Variants in ADAMTS2 observed in about 807,000 individuals in gnomAD.
The protein encoded by ADAMTS2 is A disintegrin and metalloproteinase with thrombospondin motifs 2.
Under a neutral mutation model 123.0 loss-of-function variants are expected in ADAMTS2, and 50 were observed. The observed-to-expected ratio is 0.41, with a 90% CI of 0.32 to 0.51. ADAMTS2 has a LOEUF of 0.51. Among genes scored for constraint, ADAMTS2 ranks in the 20% least tolerant of loss-of-function variants. The pLI is 0.35. For missense variants in ADAMTS2, 1,494 were observed against 1,705.2 expected, an observed-to-expected ratio of 0.88 and a Z score of 2.18; for synonymous variants, 678 against 695.4, an observed-to-expected ratio of 0.98 and a Z score of 0.39.
rs1186766356 is a variant in ADAMTS2 at position 179,113,725 on chromosome 5, TAC to T, written c.*140_*141del. ...ACCACATGCTCATGCCTATCTTTCT[TAC>T]GTCATTCCCCCTCTTTGTTTTCTCA... On this transcript the variant is annotated 3_prime_UTR_variant, in exon 22 of 22. Coordinates refer to ENST00000251582, the MANE Select transcript of ADAMTS2 (RefSeq NM_014244.5). 2.3e-6 allele frequency: 2 copies of T among 863,550 alleles called. No homozygotes were observed. The highest frequency in any genetic ancestry group is 3.7e-6 in the Non-Finnish European group (2 of 534,810). The allele number at this position is 863,550 out of a possible 1,614,324, so 53.5% of individuals were successfully genotyped here. A position where few individuals can be genotyped will look rare whatever the true frequency, so the allele number is the denominator to read the frequency against.
chr5:179,235,523 C>T (rs1347683214), intron 3 of ADAMTS2, among the ~76,000 whole-genome samples: 1 of 152,210 alleles, frequency 6.6e-6, no homozygotes, highest in Non-Finnish European at 1.5e-5. Context: ...TAAAGAAACT[C>T]ACCTGGCCCC....
At chr5:179,139,756 G>A (rs1218504905) in intron 11 of ADAMTS2, 134 bp downstream of exon 11, 5 of 1,332,706 alleles carry the variant, frequency 3.8e-6, no homozygotes, top group East Asian at 4.6e-5. Context: ...TGAGGCAGGC[G>A]GGGCAGCCTG....
At position 179,175,876 on chromosome 5, in the gene ADAMTS2, A is replaced by G. The variant is rs1208830030; in HGVS notation, c.975+5196T>C. Among the ~76,000 whole-genome samples the G allele has an allele frequency of 6.6e-6, 1 of 152,010 alleles. No homozygotes were observed. The highest frequency in any genetic ancestry group is 6.6e-5 in the Admixed American group (1 of 15,262). On this transcript the variant is annotated intron_variant, in intron 5 of 21. Transcript: ENST00000251582. The surrounding 1 kb of genome is among the most constrained non-coding windows in gnomAD (Gnocchi z 4.1). ...TCTCCAGGGCAGTGCTCCCCAGAGC[A>G]GGTTCAGCAGGCTGCGGATCTGCTG...
chr5:179,269,251 C>G lies in ADAMTS2; in HGVS notation c.688+3660G>C, dbSNP rs538839406. On this transcript the variant is annotated intron_variant, in intron 3 of 21. Transcript: ENST00000251582. ...GCCCTGTCCACCCTTGATCTTGGCT[C>G]AGTGAGATTCATTTCAGACTTCTGG... Among the ~76,000 whole-genome samples, 6 of 152,306 alleles carry G rather than the reference C, an allele frequency of 3.9e-5. No homozygotes were observed. In the South Asian group the frequency reaches 1.2e-3, roughly 32 times the overall value.
intron 4 of ADAMTS2, among the ~76,000 whole-genome samples, chr5:179,205,757 G>GTTATTATTATTATTATTATTATTA (rs148528271): frequency 3.4e-4 from 39 of 115,930 alleles, no homozygotes; most frequent in African/African-American, 8.2e-4. Flanking sequence ...TGGTTTTATT[G>GTTATTATTATTATTATTATTATTA]TTATTATTAT....
At chr5:179,141,320 C>A (rs182995300) in intron 10 of ADAMTS2, among the ~76,000 whole-genome samples, 1 of 152,212 alleles carries the variant, frequency 6.6e-6, no homozygotes, top group African/African-American at 2.4e-5. Flanking sequence ...ATCAATTCTG[C>A]CATCAGAGCT....
rs77749733 is a variant in ADAMTS2, at chr5:179,117,297, T to C, written c.3179-2973A>G. 7.7e-3 allele frequency among the ~76,000 whole-genome samples: 1,178 copies of C among 152,290 alleles called. 13 individuals are homozygous for C. The highest frequency in any genetic ancestry group is 0.027 in the African/African-American group (1,113 of 41,550). ...GGAGGGAGCCTGGGCCTGATGGTGC[T>C]GGGAGGGACACCCTGGCTGCACACT... On this transcript the variant is annotated intron_variant, in intron 21 of 21. Coordinates refer to ENST00000251582, the MANE Select transcript of ADAMTS2 (RefSeq NM_014244.5). The surrounding 1 kb of genome is among the most constrained non-coding windows in gnomAD (Gnocchi z 4.2).
chr5:179,149,197 G>A (rs2113239401), intron 10 of ADAMTS2, among the ~76,000 whole-genome samples: 1 of 152,308 alleles, frequency 6.6e-6, no homozygotes, highest in African/African-American at 2.4e-5. Context: ...GGAAGCGTTA[G>A]GTGATGGCCC....
chr5:179,237,762 G>A (rs1375170178), intron 3 of ADAMTS2, among the ~76,000 whole-genome samples: 1 of 152,172 alleles, frequency 6.6e-6, no homozygotes, highest in Admixed American at 6.5e-5. Flanking sequence ...ATGGTGAAAG[G>A]AAGGAGGCAT....
chr5:179,174,958 C>T (rs35848154), intron 5 of ADAMTS2, among the ~76,000 whole-genome samples: 4 of 150,300 alleles, frequency 2.7e-5, no homozygotes, highest in Admixed American at 6.6e-5. Flanking sequence ...GCTTGGGCTC[C>T]GCAGCTGTCT....
chr5:179,343,815 G>C lies in ADAMTS2; in HGVS notation c.486C>G (p.Ala162=). 2 of 1,610,844 alleles carry C rather than the reference G, an allele frequency of 1.2e-6. No individual in the cohort carries two copies. The highest frequency in any genetic ancestry group is 1.7e-6 in the Non-Finnish European group (2 of 1,179,334). Residue 162 remains alanine, a synonymous_variant, in exon 2 of 22, where the codon GCC becomes GCG. Transcript: ENST00000251582. ...LGSCLYVGDV[A]GLAEASSVAL... The stretch of plus-strand genomic sequence containing the variant: ...CCACAGAGGAGGCTTCGGCTAGGCC[G>C]GCCACGTCTCCGACGTAGAGACAGC...
At chr5:179,268,076 C>T (rs1272572544) in intron 3 of ADAMTS2, among the ~76,000 whole-genome samples, 1 of 152,232 alleles carries the variant, frequency 6.6e-6, no homozygotes, top group African/African-American at 2.4e-5. Flanking sequence ...CACATTTTAA[C>T]ATCAGGAAAG....
chr5:179,123,853 A>G (rs149110186), intron 19 of ADAMTS2, among the ~76,000 whole-genome samples: 34 of 152,336 alleles, frequency 2.2e-4, no homozygotes, highest in African/African-American at 7.9e-4. Flanking sequence ...TGGTCTGGGT[A>G]GTTCATACCA....
At chr5:179,298,866 A>G (rs922050593) in intron 2 of ADAMTS2, among the ~76,000 whole-genome samples, 5 of 152,208 alleles carry the variant, frequency 3.3e-5, no homozygotes, top group Non-Finnish European at 1.5e-5. Context: ...AAGCTTAATA[A>G]CCTAAAATCC....
At chr5:179,174,477 T>G (rs1423583883) in intron 5 of ADAMTS2, among the ~76,000 whole-genome samples, 1 of 152,220 alleles carries the variant, frequency 6.6e-6, no homozygotes, top group Non-Finnish European at 1.5e-5. Flanking sequence ...CAACCAATAT[T>G]TTCTTCTTGA....
chr5:179,330,043 G>A (rs369279171), intron 2 of ADAMTS2, among the ~76,000 whole-genome samples: 6 of 150,558 alleles, frequency 4.0e-5, no homozygotes, highest in African/African-American at 1.2e-4. Flanking sequence ...GGAGAATGGC[G>A]TGAACCCGGG....
At chr5:179,245,788 A>ACC (rs1458536449) in intron 3 of ADAMTS2, among the ~76,000 whole-genome samples, 1 of 95,690 alleles carries the variant, frequency 1.0e-5, no homozygotes, top group Non-Finnish European at 2.2e-5. Context: ...AAAAAAAAAA[A>ACC]AAAAAAACAA....
chr5:179,191,015 T>G (rs1333658250), intron 4 of ADAMTS2, among the ~76,000 whole-genome samples: 1 of 152,202 alleles, frequency 6.6e-6, no homozygotes, highest in Non-Finnish European at 1.5e-5. Flanking sequence ...ATGCCACCAC[T>G]TAGGGACTGA....
At position 179,343,933 on chromosome 5, in the gene ADAMTS2, C is replaced by T. The variant is rs763733632; in HGVS notation, c.368G>A (p.Arg123Gln). The change falls in exon 2 of 22, where the codon CGG becomes CAG. Residue 123 changes from arginine (R) to glutamine (Q), a missense_variant. Arg to Gln is a conservative substitution (Grantham distance 43). Transcript: ENST00000251582. ...VTVFGRDLHL[R>Q]LRPNARLVAP... ...CACGAGGCGGGCGTTGGGCCGCAGCCGCAGGTGCAGGTCTCGGCCAAAGAC... is the reference window on the plus strand; with the variant it reads ...CACGAGGCGGGCGTTGGGCCGCAGCTGCAGGTGCAGGTCTCGGCCAAAGAC... The T allele has an allele frequency of 1.2e-5, 19 of 1,609,916 alleles. No individual in the cohort carries two copies. The East Asian group carries it at 3.6e-4, about 30-fold the overall frequency.
Sources: allele counts gnomAD v4.1 joint callset (sites outside exome capture counted in the v4.1 genomes callset), GRCh38; gene constraint gnomAD v4.1.1; non-coding constraint Gnocchi (gnomAD v3.1); transcripts MANE v1.5; gene names NCBI Gene and HGNC (gene_info 2026-07-23, HGNC 2026-07-21).